The following CACNA2D3 variants were observed in gnomAD, a reference collection of about 807,000 sequenced individuals.
CACNA2D3 encodes the protein voltage-dependent calcium channel subunit alpha-2/delta-3.
CACNA2D3 carries 60 observed loss-of-function variants against 160.6 expected under a neutral mutation model. The observed-to-expected ratio is 0.37, with a 90% confidence interval of 0.30 to 0.46. The LOEUF (loss-of-function observed/expected upper bound fraction) is 0.46, where lower values mean the gene tolerates loss of function less well. CACNA2D3 is among the 20% of genes least tolerant of loss of function. CACNA2D3 has a pLI of 1.00. For synonymous variants in CACNA2D3, 558 were observed against 492.9 expected (o/e 1.13, Z -1.75); for missense variants, 1,205 against 1,365.0 (o/e 0.88, Z 1.85).
intron 27 of CACNA2D3, among the ~76,000 whole-genome samples, chr3:54,938,627 C>T (rs1185801255): frequency 6.6e-6 from 1 of 151,816 alleles, no homozygotes; most frequent in East Asian, 1.9e-4. Flanking sequence ...TTACCCCCAC[C>T]CCCAAATTAT....
At chr3:55,006,920 T>A (rs73845247) in intron 32 of CACNA2D3, among the ~76,000 whole-genome samples, 1,576 of 152,318 alleles carry the variant, frequency 0.01, 34 homozygotes, top group African/African-American at 0.036. Context: ...CTCCGATATC[T>A]AAAGGCAACC....
intron 11 of CACNA2D3, among the ~76,000 whole-genome samples, chr3:54,644,204 C>A (rs1033545220): frequency 1.3e-5 from 2 of 152,098 alleles, no homozygotes; most frequent in African/African-American, 2.4e-5. Flanking sequence ...GAATAGTATT[C>A]ATTTTAGGCC....
At chr3:54,719,762 A>G (rs557562859) in intron 11 of CACNA2D3, among the ~76,000 whole-genome samples, 1 of 152,200 alleles carries the variant, frequency 6.6e-6, no homozygotes, top group East Asian at 1.9e-4. Context: ...TGGTGAAGCC[A>G]CAAGGGACTG....
At chr3:54,867,338 T>A (rs1324530687) in intron 17 of CACNA2D3, among the ~76,000 whole-genome samples, 1 of 152,132 alleles carries the variant, frequency 6.6e-6, no homozygotes, top group East Asian at 1.9e-4. Flanking sequence ...CAATCGTGTA[T>A]CTTGGAAAAC....
At chr3:54,816,733 C>G in intron 13 of CACNA2D3, 120 bp from the exon 14 acceptor site, 2 of 1,069,924 alleles carry the variant, frequency 1.9e-6, no homozygotes, top group South Asian at 1.5e-5. Context: ...CTCTTTTTCA[C>G]TTGTCTCCCC....
At chr3:54,695,087 G>A (rs575870145) in intron 11 of CACNA2D3, among the ~76,000 whole-genome samples, 5 of 152,006 alleles carry the variant, frequency 3.3e-5, no homozygotes, top group South Asian at 4.2e-4. Context: ...GCACAGTCTC[G>A]GCTCACTGCA....
chr3:54,417,226 C>T (rs967978598), intron 4 of CACNA2D3, among the ~76,000 whole-genome samples: 5 of 152,184 alleles, frequency 3.3e-5, no homozygotes, highest in Admixed American at 2.0e-4. Context: ...TCTGACATTT[C>T]ACTTGTTCAC....
intron 4 of CACNA2D3, among the ~76,000 whole-genome samples, chr3:54,459,998 C>T (rs1159299634): frequency 6.6e-6 from 1 of 152,084 alleles, no homozygotes; most frequent in African/African-American, 2.4e-5. Flanking sequence ...ATATGGCTAG[C>T]CAGTTTTCCC....
chr3:54,492,554 A>G (rs954068249), intron 4 of CACNA2D3, among the ~76,000 whole-genome samples: 1 of 152,232 alleles, frequency 6.6e-6, no homozygotes, highest in Non-Finnish European at 1.5e-5. Flanking sequence ...AATTTTGTGG[A>G]GTGCAGGTCT....
intron 13 of CACNA2D3, among the ~76,000 whole-genome samples, chr3:54,814,304 T>G (rs1314885256): frequency 6.6e-6 from 1 of 152,242 alleles, no homozygotes; most frequent in Non-Finnish European, 1.5e-5. Flanking sequence ...GACCTGGCCT[T>G]TCCCCAGCCC....
At chr3:54,733,023 G>A (rs1326790365) in intron 11 of CACNA2D3, among the ~76,000 whole-genome samples, 8 of 152,206 alleles carry the variant, frequency 5.3e-5, no homozygotes, top group Non-Finnish European at 1.2e-4. Flanking sequence ...ATCCCCACAG[G>A]TTCTCCCACG....
chr3:54,946,504 C>T (rs745811776), intron 27 of CACNA2D3, among the ~76,000 whole-genome samples: 10 of 152,068 alleles, frequency 6.6e-5, no homozygotes, highest in African/African-American at 1.4e-4. Context: ...ATGTGAGGGC[C>T]GTTAGCAGCA....
intron 13 of CACNA2D3, among the ~76,000 whole-genome samples, chr3:54,799,378 C>A (rs955184955): frequency 6.6e-6 from 1 of 152,192 alleles, no homozygotes; most frequent in Non-Finnish European, 1.5e-5. Context: ...ACTCTTCCCA[C>A]TGCAGACATG....
intron 11 of CACNA2D3, among the ~76,000 whole-genome samples, chr3:54,669,342 C>T (rs1700119726): frequency 6.6e-6 from 1 of 152,190 alleles, no homozygotes; most frequent in South Asian, 2.1e-4. Context: ...AGGAATGTTT[C>T]AGTGACAAAA....
chr3:54,565,002 A>G (rs756713475), intron 6 of CACNA2D3, among the ~76,000 whole-genome samples: 50 of 151,942 alleles, frequency 3.3e-4, no homozygotes, highest in Non-Finnish European at 6.2e-4. Context: ...CTGGCAAGTG[A>G]TCTCCTCGTA....
At chr3:54,385,520 C>G (rs1181526983) in intron 3 of CACNA2D3, among the ~76,000 whole-genome samples, 3 of 152,106 alleles carry the variant, frequency 2.0e-5, no homozygotes, top group Non-Finnish European at 4.4e-5. Context: ...TCTGGGAAAT[C>G]ACATTTCCAC....
intron 11 of CACNA2D3, among the ~76,000 whole-genome samples, chr3:54,709,176 A>AT (rs5849053): frequency 0.075 from 11,107 of 148,206 alleles, 1,087 homozygotes; most frequent in African/African-American, 0.23. Flanking sequence ...TGCCTGACTA[A>AT]TTTTTTTTTT....
At chr3:54,779,299 A>C (rs1165673193) in intron 13 of CACNA2D3, among the ~76,000 whole-genome samples, 2 of 152,126 alleles carry the variant, frequency 1.3e-5, no homozygotes, top group Non-Finnish European at 2.9e-5. Context: ...AGGTTTCACC[A>C]TGTTGAACAG....
intron 35 of CACNA2D3, among the ~76,000 whole-genome samples, chr3:55,036,292 C>T (rs1288647166): frequency 6.6e-6 from 1 of 151,818 alleles, no homozygotes; most frequent in Non-Finnish European, 1.5e-5. Context: ...ATTAAAAATA[C>T]CAGAATTAGC....
Sources: gnomAD v4.1 joint callset for allele counts (sites outside exome capture counted in the v4.1 genomes callset) on GRCh38, gnomAD v4.1.1 for gene constraint, MANE v1.5 for transcripts, NCBI Gene and HGNC (gene_info 2026-07-23, HGNC 2026-07-21) for gene names.